Variants in CDYL observed in about 807,000 individuals in gnomAD.
CDYL encodes chromodomain Y like.
A neutral mutation model predicts 47.3 loss-of-function variants in CDYL; 8 were observed. That is an observed-to-expected ratio of 0.17 (90% CI 0.10 to 0.31). The LOEUF is 0.31. Ranked by LOEUF, CDYL falls within the 10% of genes least tolerant of loss-of-function variation. The pLI, the probability that CDYL is intolerant of heterozygous loss-of-function variation, is 1.00. For synonymous variants in CDYL, 266 were observed against 265.0 expected (o/e 1.00, Z -0.04); for missense variants, 471 against 701.4 (o/e 0.67, Z 3.71).
chr6:4,868,590 A>C (rs760526693), intron 1 of CDYL, among the ~76,000 whole-genome samples: 8 of 152,048 alleles, frequency 5.3e-5, no homozygotes, highest in Non-Finnish European at 1.2e-4. Context: ...TTTTGTAGTA[A>C]ATGTTCTGAG....
Position 4,863,400 on chromosome 6 carries a change from C to T in CDYL, c.25-28313C>T, listed in dbSNP as rs4487628. 4.2e-3 allele frequency among the ~76,000 whole-genome samples: 645 copies of T among 152,220 alleles called. 1 individual carries two copies. The highest frequency in any genetic ancestry group is 0.014 in the African/African-American group (597 of 41,506). On this transcript the variant is annotated intron_variant, in intron 1 of 6. Coordinates refer to ENST00000397588, the MANE Select transcript of CDYL (RefSeq NM_004824.4). ...GACTACCTCTTCCCCTTCTTTGCCTCGCTTTTCGTGGCAAAAATAGAAAAA... is the reference window on the plus strand; with the variant it reads ...GACTACCTCTTCCCCTTCTTTGCCTTGCTTTTCGTGGCAAAAATAGAAAAA...
At chr6:4,730,787 G>A (rs1016396964) in intron 2 of CDYL, among the ~76,000 whole-genome samples, 8 of 151,128 alleles carry the variant, frequency 5.3e-5, no homozygotes, top group African/African-American at 1.7e-4. Context: ...CAGAAGAGTT[G>A]GCCTCCCTCC....
rs766950936 is a variant in CDYL at position 4,910,242 on chromosome 6, C to T, written c.691+17863C>T. 1.4e-4 allele frequency among the ~76,000 whole-genome samples: 21 copies of T among 152,150 alleles called. 1 individual carries two copies. The highest frequency in any genetic ancestry group is 4.1e-4 in the South Asian group (2 of 4,826). On this transcript the variant is annotated intron_variant, in intron 2 of 6. Coordinates refer to ENST00000397588, the MANE Select transcript of CDYL (RefSeq NM_004824.4). ...ACATATGTTTATTTACTCAGTCTCACGGCATTAGCACCTGGAACAACACCA... is the reference window on the plus strand; with the variant it reads ...ACATATGTTTATTTACTCAGTCTCATGGCATTAGCACCTGGAACAACACCA...
intron 1 of CDYL, among the ~76,000 whole-genome samples, chr6:4,875,887 AC>A (rs1231397223): frequency 6.6e-6 from 1 of 152,238 alleles, no homozygotes. Context: ...ATGGAGACAT[AC>A]CCCTAAAAAT....
intron 2 of CDYL, among the ~76,000 whole-genome samples, chr6:4,903,972 T>G (rs865924532): frequency 6.6e-6 from 1 of 152,172 alleles, no homozygotes; most frequent in East Asian, 1.9e-4. Flanking sequence ...AGCTTGGCAT[T>G]GCAGAGCCCC....
chr6:4,856,727 G>A (rs1244085406), intron 1 of CDYL, among the ~76,000 whole-genome samples: 4 of 152,222 alleles, frequency 2.6e-5, no homozygotes. Flanking sequence ...GGAAGACTGA[G>A]ATGGAGTAGC....
At chr6:4,738,238 A>G (rs925750023) in intron 3 of CDYL, among the ~76,000 whole-genome samples, 9 of 152,102 alleles carry the variant, frequency 5.9e-5, no homozygotes, top group African/African-American at 2.2e-4. Context: ...TGAGCCAGGC[A>G]TGGTGGTGCA....
rs114275410 is a variant in CDYL, at chr6:4,899,841, C to T, written c.691+7462C>T. ...AGCCATATCCCGAGGGGAAGAGTCACGTGTGAGCTGTGTGGAGTCCCGTGA... is the reference window on the plus strand; with the variant it reads ...AGCCATATCCCGAGGGGAAGAGTCATGTGTGAGCTGTGTGGAGTCCCGTGA... On this transcript the variant is annotated intron_variant, in intron 2 of 6. Transcript: ENST00000397588. Among the ~76,000 whole-genome samples the T allele has an allele frequency of 7.9e-3, 1,207 of 152,308 alleles. 20 individuals are homozygous for T. The highest frequency in any genetic ancestry group is 0.028 in the African/African-American group (1,154 of 41,554).
intron 1 of CDYL, among the ~76,000 whole-genome samples, chr6:4,713,483 C>T (rs1333233945): frequency 6.6e-6 from 1 of 152,170 alleles, no homozygotes; most frequent in Non-Finnish European, 1.5e-5. Flanking sequence ...CTAAAGACAA[C>T]TCGACTCTAT....
At chr6:4,861,664 G>A (rs1761173746) in intron 1 of CDYL, among the ~76,000 whole-genome samples, 1 of 152,232 alleles carries the variant, frequency 6.6e-6, no homozygotes, top group African/African-American at 2.4e-5. Context: ...TTAACTTCAT[G>A]GGATTGCTCC....
At position 4,937,600 on chromosome 6, in the gene CDYL, C is replaced by G. The variant is rs368234357; in HGVS notation, c.984C>G (p.Ala328=). ...MREVQSALST[A]AADDSKLVLL... The stretch of plus-strand genomic sequence containing the variant: ...AAGTCCAGAGTGCTCTGAGCACGGC[C>G]GCTGCCGATGACAGCAAGCTGGTAC... Residue 328 remains alanine (A), a synonymous_variant, in exon 4 of 7, where the codon GCC becomes GCG. Transcript: ENST00000397588. 17 of 1,596,842 alleles carry G rather than the reference C, an allele frequency of 1.1e-5. No homozygotes were observed. In the East Asian group the frequency reaches 3.2e-4, roughly 30 times the overall value.
intron 1 of CDYL, among the ~76,000 whole-genome samples, chr6:4,794,359 G>A (rs1050687965): frequency 1.3e-5 from 2 of 152,096 alleles, no homozygotes; most frequent in Admixed American, 6.5e-5. Context: ...TTGGCAGCGC[G>A]GAGGCCACTT....
intron 2 of CDYL, among the ~76,000 whole-genome samples, chr6:4,717,924 G>C (rs1757300303): frequency 6.6e-6 from 1 of 151,122 alleles, no homozygotes; most frequent in African/African-American, 2.4e-5. Context: ...CGGCTCACAA[G>C]AGCCTCAACC....
chr6:4,927,834 T>C (rs1757923908), intron 2 of CDYL, among the ~76,000 whole-genome samples: 1 of 152,258 alleles, frequency 6.6e-6, no homozygotes, highest in African/African-American at 2.4e-5. Context: ...TTTTTTAAGC[T>C]TTTTCCTTTC....
At chr6:4,707,385 C>T (rs1321390736) in intron 1 of CDYL, among the ~76,000 whole-genome samples, 1 of 152,230 alleles carries the variant, frequency 6.6e-6, no homozygotes. Flanking sequence ...TCAAGCGATT[C>T]TCCTGCCTCA....
chr6:4,804,332 T>A (rs576877878), intron 1 of CDYL, among the ~76,000 whole-genome samples: 1 of 152,200 alleles, frequency 6.6e-6, no homozygotes, highest in African/African-American at 2.4e-5. Context: ...GGGCGCTGCC[T>A]AAGAACCTAG....
At chr6:4,751,102 G>A (rs775860051) in intron 3 of CDYL, among the ~76,000 whole-genome samples, 181 of 152,114 alleles carry the variant, frequency 1.2e-3, no homozygotes, top group Non-Finnish European at 1.0e-3. Flanking sequence ...TGATCCGCCC[G>A]CCTCGGCCTC....
rs1758798395 is a variant in CDYL, at chr6:4,787,864, C to T, written c.24+11057C>T. Among the ~76,000 whole-genome samples, 3 of 150,026 alleles carry T rather than the reference C, an allele frequency of 2.0e-5. No homozygotes were observed. In the South Asian group the frequency reaches 6.4e-4, roughly 32 times the overall value. On this transcript the variant is annotated intron_variant, in intron 1 of 6. Coordinates refer to ENST00000397588, the MANE Select transcript of CDYL (RefSeq NM_004824.4). Reference sequence around the variant, plus strand: ...CTCGGCTCACTGCAACCTCTGCCTCCCAGTTCAAGTAATTCTCCTGCCTCT... The same window carrying T: ...CTCGGCTCACTGCAACCTCTGCCTCTCAGTTCAAGTAATTCTCCTGCCTCT...
At chr6:4,882,863 G>A (rs9504280) in intron 1 of CDYL, among the ~76,000 whole-genome samples, 321 of 152,258 alleles carry the variant, frequency 2.1e-3, no homozygotes, top group African/African-American at 7.4e-3. Flanking sequence ...CAATGCTAAT[G>A]ATGATGACCC....
Sources: allele counts gnomAD v4.1 joint callset (sites outside exome capture counted in the v4.1 genomes callset), GRCh38; gene constraint gnomAD v4.1.1; transcripts MANE v1.5; gene names NCBI Gene and HGNC (gene_info 2026-07-23, HGNC 2026-07-21).